The following COBL variants were observed in gnomAD, a reference collection of about 807,000 sequenced individuals.
The protein encoded by COBL is cordon-bleu WH2 repeat protein.
Under a neutral mutation model 98.8 loss-of-function variants are expected in COBL, and 51 were observed. The ratio of observed to expected loss-of-function variants is 0.52; its 90% CI spans 0.41 to 0.65. The LOEUF is 0.65. Ranked by LOEUF, COBL falls within the 30% of genes least tolerant of loss-of-function variation. COBL has a pLI of 0.00. For synonymous variants in COBL, 634 were observed against 651.7 expected, an observed-to-expected ratio of 0.97 and a Z score of 0.41; for missense variants, 1,617 against 1,617.5, an observed-to-expected ratio of 1.00 and a Z score of 0.01.
At chr7:51,224,842 G>T (rs1584235029) in intron 1 of COBL, among the ~76,000 whole-genome samples, 1 of 152,214 alleles carries the variant, frequency 6.6e-6, no homozygotes, top group East Asian at 1.9e-4. Context: ...GGCTAATTTG[G>T]TATTTTTAGT....
At chr7:51,124,419 A>G (rs1211709388) in intron 6 of COBL, among the ~76,000 whole-genome samples, 4 of 152,170 alleles carry the variant, frequency 2.6e-5, no homozygotes, top group African/African-American at 9.7e-5. Flanking sequence ...GACTTCTTCC[A>G]TGAGTTGCAT....
Position 51,016,821 on chromosome 7 carries a change from G to A in COBL, c.*730C>T. ...GGGGCACTGCCCATCCACTCCAGTG[G>A]TGGTGTGACCTCAGCCACCCGCCAC... On this transcript the variant is annotated 3_prime_UTR_variant, in exon 13 of 13. Coordinates refer to ENST00000265136, the MANE Select transcript of COBL (RefSeq NM_015198.5). The A allele has an allele frequency of 2.5e-6, 1 of 397,880 alleles. No homozygotes were observed. Among genetic ancestry groups the A allele is most frequent in the Non-Finnish European group, 4.4e-6 (1 of 226,118 alleles). The allele number at this position is 397,880 out of a possible 1,614,324, so 24.6% of individuals were successfully genotyped here.
intron 5 of COBL, among the ~76,000 whole-genome samples, chr7:51,153,064 A>T (rs764477414): frequency 1.3e-5 from 2 of 152,202 alleles, no homozygotes; most frequent in Non-Finnish European, 2.9e-5. Context: ...ATTCATACAT[A>T]GTTAGAATTT....
chr7:51,229,835 A>C (rs1242582047), intron 1 of COBL, among the ~76,000 whole-genome samples: 3 of 152,152 alleles, frequency 2.0e-5, no homozygotes, highest in Non-Finnish European at 4.4e-5. Context: ...ACACGGCCAA[A>C]CTGCTCAATA....
At chr7:51,084,491 AT>A (rs1324033501) in intron 7 of COBL, among the ~76,000 whole-genome samples, 3 of 152,116 alleles carry the variant, frequency 2.0e-5, no homozygotes, top group African/African-American at 7.2e-5. Context: ...ATGCTGAATG[AT>A]TTAAAAAGAA....
At chr7:51,122,909 G>T (rs1305649553) in intron 6 of COBL, among the ~76,000 whole-genome samples, 1 of 151,940 alleles carries the variant, frequency 6.6e-6, no homozygotes, top group Non-Finnish European at 1.5e-5. Flanking sequence ...AACCCAGGAG[G>T]AGGAGGCTGC....
At chr7:51,101,282 G>C (rs778337103) in intron 6 of COBL, among the ~76,000 whole-genome samples, 1 of 152,320 alleles carries the variant, frequency 6.6e-6, no homozygotes, top group South Asian at 2.1e-4. Flanking sequence ...TAAACAAAAG[G>C]ATTCTGGTAG....
In COBL at chr7:51,028,448, G is replaced by A. The variant is rs1260276193; in HGVS notation, c.2648C>T (p.Ala883Val). Residue 883 changes from alanine to valine, a missense_variant, in exon 10 of 13, where the codon GCT (alanine) becomes GTT (valine). By Grantham distance (64) the Ala-to-Val change is moderately conservative. Around this residue, in one of 3 missense-constraint regions of COBL, gnomAD observed 1,304 missense variants for 1,282.0 expected, o/e 1.02. Coordinates refer to ENST00000265136, the MANE Select transcript of COBL (RefSeq NM_015198.5). ...AKRIGAPKVH[A>V]DVVRPHGYAE... ...ATAACCGTGTGGCCTCACCACATCA[G>A]CATGGACTTTTGGGGCTCCTATGCG... The A allele has an allele frequency of 1.2e-6, 2 of 1,614,288 alleles. No individual in the cohort carries two copies. The highest frequency in any genetic ancestry group is 1.7e-6 in the Non-Finnish European group (2 of 1,180,052).
intron 7 of COBL, among the ~76,000 whole-genome samples, chr7:51,054,447 G>T (rs1790530942): frequency 6.6e-6 from 1 of 152,150 alleles, no homozygotes; most frequent in Admixed American, 6.5e-5. Context: ...TCGTATGTGT[G>T]CTGGGCTTGT....
At chr7:51,289,290 T>C (rs532502898) in intron 1 of COBL, among the ~76,000 whole-genome samples, 19 of 152,360 alleles carry the variant, frequency 1.2e-4, no homozygotes, top group African/African-American at 4.1e-4. Flanking sequence ...TGTGTTCTCA[T>C]TGTCTGCTCT....
intron 6 of COBL, among the ~76,000 whole-genome samples, chr7:51,092,613 G>A (rs1029755879): frequency 6.6e-6 from 1 of 151,974 alleles, no homozygotes; most frequent in Non-Finnish European, 1.5e-5. Context: ...TTATTTCTGG[G>A]CTTTCTGTAC....
intron 6 of COBL, among the ~76,000 whole-genome samples, chr7:51,105,158 C>T (rs558995010): frequency 2.0e-5 from 3 of 151,946 alleles, no homozygotes; most frequent in African/African-American, 4.8e-5. Flanking sequence ...GTACCTGCCC[C>T]GGGTGTGCCT....
At chr7:51,093,703 C>T (rs1018318768) in intron 6 of COBL, among the ~76,000 whole-genome samples, 2 of 152,048 alleles carry the variant, frequency 1.3e-5, no homozygotes, top group Non-Finnish European at 2.9e-5. Flanking sequence ...CCAGCCTGGG[C>T]AACACTGCAA....
At chr7:51,310,249 T>C (rs909946374) in intron 1 of COBL, among the ~76,000 whole-genome samples, 3 of 152,160 alleles carry the variant, frequency 2.0e-5, no homozygotes, top group Non-Finnish European at 4.4e-5. Flanking sequence ...AGAAGCATCA[T>C]CAGACAGCCC....
chr7:51,028,834 C>G lies in COBL; in HGVS notation c.2262G>C (p.Ser754=). The G allele has an allele frequency of 6.2e-7, 1 of 1,614,196 alleles. No homozygotes were observed. The highest frequency in any genetic ancestry group is 8.5e-7 in the Non-Finnish European group (1 of 1,180,022). The stretch of plus-strand genomic sequence containing the variant: ...GCTGAGATTCTGCTTCAGGCACAGA[C>G]GAAGACAGGGAAATGATCCTGATGC... ...ATGIRIISLS[S]SVPEAESQPI... is the part of the protein sequence containing the mutation. Residue 754 remains serine, a synonymous_variant, in exon 10 of 13, where the codon TCG becomes TCC. Transcript: ENST00000265136.
Position 51,316,666 on chromosome 7 carries a change from G to A in COBL, c.-33C>T. 1 of 1,190,456 alleles carries A rather than the reference G, an allele frequency of 8.4e-7. No individual in the cohort carries two copies. The highest frequency in any genetic ancestry group is 1.0e-6 in the Non-Finnish European group (1 of 960,728). 73.7% of individuals were successfully genotyped at this position (1,190,456 alleles called of 1,614,324 possible). A position where few individuals can be genotyped will look rare whatever the true frequency, so the allele number is the denominator to read the frequency against. On this transcript the variant is annotated 5_prime_UTR_variant, in exon 1 of 13. Coordinates refer to ENST00000265136, the MANE Select transcript of COBL (RefSeq NM_015198.5). Reference sequence around the variant, plus strand: ...GGGGCCGGGACGCGGGCGGTGCTCCGGGCCCGCCGAGTCAGGCGCTGGCTA... The same window carrying A: ...GGGGCCGGGACGCGGGCGGTGCTCCAGGCCCGCCGAGTCAGGCGCTGGCTA...
intron 2 of COBL, among the ~76,000 whole-genome samples, chr7:51,201,245 AAAAAAAAAAAAG>A (rs549719232): frequency 0.02 from 3,015 of 151,670 alleles, 100 homozygotes; most frequent in African/African-American, 0.069. Flanking sequence ...GTCTCAAAAA[AAAAAAAAAAAAG>A]AAAGAAAGAA....
chr7:51,026,919 T>C (rs929746459), intron 10 of COBL, among the ~76,000 whole-genome samples: 1 of 151,764 alleles, frequency 6.6e-6, no homozygotes, highest in Admixed American at 6.6e-5. Context: ...AGAAAGAAAA[T>C]CCACTCATGT....
At chr7:51,155,841 T>C (rs1325731240) in intron 5 of COBL, among the ~76,000 whole-genome samples, 1 of 152,108 alleles carries the variant, frequency 6.6e-6, no homozygotes, top group African/African-American at 2.4e-5. Context: ...GCATCTACTC[T>C]AGGTCCCATT....
Sources: allele counts gnomAD v4.1 joint callset (sites outside exome capture counted in the v4.1 genomes callset), GRCh38; gene constraint gnomAD v4.1.1; regional missense constraint gnomAD v4.1.1; transcripts MANE v1.5; gene names NCBI Gene and HGNC (gene_info 2026-07-23, HGNC 2026-07-21).